IL17RE: variants seen among roughly 807,000 people sequenced by gnomAD.
The protein encoded by IL17RE is interleukin-17 receptor E.
IL17RE carries 47 observed loss-of-function variants against 70.7 expected under a neutral mutation model. The observed-to-expected ratio is 0.67, with a 90% CI of 0.53 to 0.85. The LOEUF is 0.85. Ranked by LOEUF, IL17RE falls within the 40% of genes least tolerant of loss-of-function variation. The pLI is 0.00. For missense variants in IL17RE, 850 were observed against 893.9 expected, an observed-to-expected ratio of 0.95 and a Z score of 0.63; for synonymous variants, 372 against 381.2, an observed-to-expected ratio of 0.98 and a Z score of 0.28.
chr3:9,907,390 T>TAAA (rs1174481684), intron 6 of IL17RE, among the ~76,000 whole-genome samples: 169 of 147,668 alleles, frequency 1.1e-3, no homozygotes, highest in African/African-American at 3.9e-3. Context: ...AATAAATAAA[T>TAAA]TAATTAATTA....
In IL17RE at chr3:9,915,284, A is replaced by C; in HGVS notation, c.1481A>C (p.His494Pro). The C allele has an allele frequency of 1.4e-6, 2 of 1,406,940 alleles. No individual in the cohort carries two copies. Among genetic ancestry groups the C allele is most frequent in the Non-Finnish European group, 1.8e-6 (2 of 1,088,056 alleles). 87.2% of individuals were successfully genotyped at this position (1,406,940 alleles called of 1,614,324 possible). The change falls in exon 16 of 16, where the codon CAC becomes CCC. Residue 494 changes from histidine (H) to proline (P), a missense_variant. His to Pro is a moderately conservative substitution (Grantham distance 77). Coordinates refer to ENST00000383814, the MANE Select transcript of IL17RE (RefSeq NM_153480.2). The surrounding 1 kb of genome is among the most constrained non-coding windows in gnomAD (Gnocchi z 4.9). ...CCAGCGCGGCCAGTGCTCCTCCTGCACGCGGCGGACTCGGAGGCGCAGCGG... is the reference window on the plus strand; with the variant it reads ...CCAGCGCGGCCAGTGCTCCTCCTGCCCGCGGCGGACTCGGAGGCGCAGCGG... ...PGPARPVLLL[H>P]AADSEAQRRL...
In IL17RE at chr3:9,902,866, C is replaced by T. The variant is rs1187535284; in HGVS notation, c.-67C>T. 1 of 1,612,794 alleles carries T rather than the reference C, an allele frequency of 6.2e-7. No individual in the cohort carries two copies. The highest frequency in any genetic ancestry group is 8.5e-7 in the Non-Finnish European group (1 of 1,179,492). On this transcript the variant is annotated 5_prime_UTR_variant, in exon 1 of 16. Transcript: ENST00000383814. ...TGGTACTGTGTTCGCTGCTGCACAG[C>T]AAGGCCCTGCCACCCACCTTCAGGC...
At position 9,915,766 on chromosome 3, in the gene IL17RE, C is replaced by T. The variant is rs2083039996; in HGVS notation, c.1963C>T (p.Arg655Trp). Residue 655 changes from arginine to tryptophan, a missense_variant, in exon 16 of 16, where the codon CGG becomes TGG. Arg to Trp is a moderately radical substitution (Grantham distance 101). Transcript: ENST00000383814. The surrounding 1 kb of genome is among the most constrained non-coding windows in gnomAD (Gnocchi z 4.9). ...RRQSRLELCS[R>W]LEREAARLAD... ...GCAGAGCCGCCTAGAGCTGTGCAGC[C>T]GGCTCGAACGAGAGGCCGCCCGACT... 2 of 1,533,800 alleles carry T rather than the reference C, an allele frequency of 1.3e-6. No homozygotes were observed. Among genetic ancestry groups the T allele is most frequent in the African/African-American group, 1.4e-5 (1 of 70,012 alleles).
chr3:9,911,585 C>A lies in IL17RE; in HGVS notation c.1215C>A (p.Tyr405Ter). Residue 405 changes from tyrosine to a stop codon, truncating the protein, a stop_gained, in exon 12 of 16, where the codon TAC becomes TAA. Transcript: ENST00000383814. LOFTEE classifies it high-confidence loss of function. ...LGQDTLVPPV[Y>*]TVSQARGSSP... The stretch of plus-strand genomic sequence containing the variant: ...AGGACACTTTGGTGCCCCCCGTGTA[C>A]ACTGTCAGCCAGGTATGGCCTCGCC... 1 of 1,612,634 alleles carries A rather than the reference C, an allele frequency of 6.2e-7. No homozygotes were observed. Among genetic ancestry groups the A allele is most frequent in the Non-Finnish European group, 8.5e-7 (1 of 1,178,716 alleles).
At chr3:9,909,368 CA>C in intron 8 of IL17RE, 85 bp downstream of exon 8, 6 of 1,155,358 alleles carry the variant, frequency 5.2e-6, no homozygotes, top group Non-Finnish European at 7.7e-6. Flanking sequence ...CACACACACA[CA>C]CACACCCCGC....
chr3:9,903,083 G>A lies in IL17RE; in HGVS notation c.132+19G>A. On this transcript the variant is annotated intron_variant, in intron 1 of 15. Coordinates refer to ENST00000383814, the MANE Select transcript of IL17RE (RefSeq NM_153480.2). ...CCACACGGTAAGGTGCTGCTGCCAG[G>A]TAGGGACACCTGCCTGGCACAGCCA... 6.2e-7 allele frequency: 1 copy of A among 1,601,256 alleles called. No homozygotes were observed. Among genetic ancestry groups the A allele is most frequent in the Non-Finnish European group, 8.6e-7 (1 of 1,168,744 alleles).
intron 12 of IL17RE, among the ~76,000 whole-genome samples, chr3:9,912,143 T>C (rs1250238193): frequency 6.6e-6 from 1 of 152,186 alleles, no homozygotes; most frequent in Non-Finnish European, 1.5e-5. Flanking sequence ...GCAAACCCTA[T>C]TGTGAACGGT....
intron 12 of IL17RE, among the ~76,000 whole-genome samples, chr3:9,912,696 T>G (rs1029914951): frequency 3.3e-5 from 5 of 152,152 alleles, no homozygotes; most frequent in African/African-American, 4.8e-5. Flanking sequence ...AGACAGGTGA[T>G]AGCAACACAG....
rs1444503556 is a variant in IL17RE at position 9,906,690 on chromosome 3, T to C, written c.367-16T>C. The C allele has an allele frequency of 2.5e-6, 4 of 1,614,084 alleles. No individual in the cohort carries two copies. The South Asian group carries it at 3.3e-5, about 13-fold the overall frequency. ...CTGATTTCTGGCCTGAGGCCAACCT[T>C]GTTCTCTGCCTTTAGAGGAAGCTGC... On this transcript the variant is annotated splice_polypyrimidine_tract_variant and intron_variant, in intron 4 of 15. Transcript: ENST00000383814.
chr3:9,903,247 T>A, intron 1 of IL17RE, 150 bp from the exon 2 acceptor site: 1 of 1,024,130 alleles, frequency 9.8e-7, no homozygotes, highest in Non-Finnish European at 1.5e-6. Context: ...AGGGTGGAGC[T>A]GGGAAGATAA....
chr3:9,914,518 T>G (rs751155424), intron 13 of IL17RE, 30 bp from the exon 14 acceptor site: 24 of 1,612,812 alleles, frequency 1.5e-5, no homozygotes, highest in Non-Finnish European at 1.9e-5. Flanking sequence ...GATGCCTGGC[T>G]CATAGGGGTG....
Position 9,911,056 on chromosome 3 carries a change from C to A in IL17RE, c.978+16C>A, listed in dbSNP as rs2082879674. ...GTCAGATGGGGTGAGGACAGGTTCC[C>A]CCAGGACCAGGGTGGGCAGGGCTGG... On this transcript the variant is annotated intron_variant, in intron 9 of 15. Transcript: ENST00000383814. 1 of 1,613,990 alleles carries A rather than the reference C, an allele frequency of 6.2e-7. No homozygotes were observed. The highest frequency in any genetic ancestry group is 1.7e-5 in the Admixed American group (1 of 59,988).
chr3:9,906,024 CGGAT>C lies in IL17RE; in HGVS notation c.269-339_269-336del, dbSNP rs1326462650. ...CAGCACTTTGGGAGGCCGAGGCGGG[CGGAT>C]CACCTGAGGTTGGGAGTTCGAGACC... is the stretch of plus-strand genomic sequence containing the variant. On this transcript the variant is annotated intron_variant, in intron 3 of 15. Transcript: ENST00000383814. Among the ~76,000 whole-genome samples the C allele has an allele frequency of 3.7e-3, 559 of 151,924 alleles. 13 individuals are homozygous for C. Among genetic ancestry groups the C allele is most frequent in the South Asian group, 0.03 (144 of 4,808 alleles).
intron 7 of IL17RE, among the ~76,000 whole-genome samples, chr3:9,908,605 T>C (rs1459859590): frequency 6.6e-6 from 1 of 152,216 alleles, no homozygotes; most frequent in Non-Finnish European, 1.5e-5. Context: ...CTGTCATTGC[T>C]GTGTGTTCTG....
In IL17RE at chr3:9,903,496, A is replaced by C. The variant is rs1243518699; in HGVS notation, c.148+84A>C. On this transcript the variant is annotated intron_variant, in intron 2 of 15. Transcript: ENST00000383814. ...TAGCAAGCCCTCCATTCTAATTTTC[A>C]GTTCCCAACCCGGGAAGTAGCACAA... 2.0e-6 allele frequency: 3 copies of C among 1,469,602 alleles called. No homozygotes were observed. The African/African-American group carries it at 4.2e-5, about 20-fold the overall frequency. 91.0% of individuals were successfully genotyped at this position (1,469,602 alleles called of 1,614,324 possible).
intron 3 of IL17RE, among the ~76,000 whole-genome samples, chr3:9,905,051 C>T (rs1471129556): frequency 2.9e-5 from 4 of 137,024 alleles, no homozygotes; most frequent in Admixed American, 1.6e-4. Flanking sequence ...GTTAAGATAG[C>T]GCCACTGCAC....
chr3:9,907,394 T>C (rs1007695958), intron 6 of IL17RE, among the ~76,000 whole-genome samples: 1 of 150,466 alleles, frequency 6.6e-6, no homozygotes, highest in African/African-American at 2.5e-5. Context: ...AATAAATTAA[T>C]TAATTAATTA....
In IL17RE at chr3:9,911,502, T is replaced by G; in HGVS notation, c.1132T>G (p.Phe378Val). 1 of 1,614,128 alleles carries G rather than the reference T, an allele frequency of 6.2e-7. No homozygotes were observed. Among genetic ancestry groups the G allele is most frequent in the Non-Finnish European group, 8.5e-7 (1 of 1,180,000 alleles). Residue 378 changes from phenylalanine (F) to valine (V), a missense_variant, in exon 12 of 16, where the codon TTC becomes GTC. Coordinates refer to ENST00000383814, the MANE Select transcript of IL17RE (RefSeq NM_153480.2). ...DTQAQQLILHFSSRMHATFSA... is the reference protein window; with the variant it reads ...DTQAQQLILHVSSRMHATFSA... The stretch of plus-strand genomic sequence containing the variant: ...CCAAGCCCAGCAGCTGATTCTTCAC[T>G]TCTCCTCAAGAATGCATGCCACCTT...
chr3:9,908,104 T>G (rs2082802772), intron 6 of IL17RE, 135 bp from the exon 7 acceptor site: 1 of 693,286 alleles, frequency 1.4e-6, no homozygotes, highest in Admixed American at 2.3e-5. Context: ...GAGAGACTTA[T>G]CAGGAGAAGA....
Sources: allele counts gnomAD v4.1 joint callset (sites outside exome capture counted in the v4.1 genomes callset), GRCh38; gene constraint gnomAD v4.1.1; non-coding constraint Gnocchi (gnomAD v3.1); transcripts MANE v1.5; gene names NCBI Gene and HGNC (gene_info 2026-07-23, HGNC 2026-07-21).